The following PPP1R1C variants were observed in gnomAD, a reference collection of about 807,000 sequenced individuals.
The protein encoded by PPP1R1C is protein phosphatase 1 regulatory subunit 1C.
In PPP1R1C, 15 loss-of-function variants were observed where a neutral mutation model predicts 17.4. That is an observed-to-expected ratio of 0.86 (90% CI 0.58 to 1.33). The LOEUF is 1.33. PPP1R1C is among the 40% of genes most tolerant of loss of function. The pLI is 0.00. For missense variants in PPP1R1C, 143 were observed against 130.0 expected (o/e 1.10, Z -0.48); for synonymous variants, 35 against 43.1 (o/e 0.81, Z 0.73).
At chr2:181,970,461 CTCT>C (rs1272637900) in intron 1 of PPP1R1C, among the ~76,000 whole-genome samples, 1 of 152,108 alleles carries the variant, frequency 6.6e-6, no homozygotes, top group East Asian at 1.9e-4. Context: ...CAGGCAGAGA[CTCT>C]TCTTCTCTTC....
At chr2:182,099,452 C>T (rs1049827530) in intron 4 of PPP1R1C, among the ~76,000 whole-genome samples, 6 of 152,158 alleles carry the variant, frequency 3.9e-5, no homozygotes, top group African/African-American at 9.7e-5. Context: ...CTCATGGGAA[C>T]GCTGAGGTAA....
chr2:182,115,548 G>A (rs1298902234), intron 4 of PPP1R1C, among the ~76,000 whole-genome samples: 1 of 152,188 alleles, frequency 6.6e-6, no homozygotes, highest in East Asian at 1.9e-4. Context: ...CAGAGTGACT[G>A]GTTGGACACT....
intron 4 of PPP1R1C, among the ~76,000 whole-genome samples, chr2:182,074,451 A>G (rs144412958): frequency 0.011 from 1,663 of 152,150 alleles, 13 homozygotes; most frequent in South Asian, 0.037. Flanking sequence ...TTTTTCTTTC[A>G]TGCATTTAGA....
At chr2:182,015,069 C>T (rs1371411293) in intron 2 of PPP1R1C, among the ~76,000 whole-genome samples, 3 of 152,166 alleles carry the variant, frequency 2.0e-5, no homozygotes, top group Admixed American at 2.0e-4. Context: ...ACCCAAGCTG[C>T]AAGACAAAGT....
chr2:182,100,272 G>A (rs373852132), intron 4 of PPP1R1C, among the ~76,000 whole-genome samples: 2 of 152,078 alleles, frequency 1.3e-5, no homozygotes, highest in African/African-American at 4.8e-5. Context: ...GGCACTTTGG[G>A]AGGCTGAGGC....
At chr2:182,011,100 G>T (rs1239241780) in intron 2 of PPP1R1C, among the ~76,000 whole-genome samples, 1 of 151,996 alleles carries the variant, frequency 6.6e-6, no homozygotes, top group African/African-American at 2.4e-5. Flanking sequence ...ATGTGTCTTT[G>T]TCTGGTTTTG....
chr2:182,062,540 C>T (rs1687880792), intron 3 of PPP1R1C, among the ~76,000 whole-genome samples: 2 of 152,206 alleles, frequency 1.3e-5, no homozygotes, highest in East Asian at 3.9e-4. Context: ...CTGTCTACAC[C>T]TGTGCATAGT....
chr2:181,969,473 A>G (rs1174577944), intron 1 of PPP1R1C, among the ~76,000 whole-genome samples: 1 of 152,090 alleles, frequency 6.6e-6, no homozygotes. Context: ...CTACTGCCAG[A>G]TATATTGGAA....
chr2:182,047,012 A>T (rs1687367592), intron 2 of PPP1R1C, among the ~76,000 whole-genome samples: 1 of 152,218 alleles, frequency 6.6e-6, no homozygotes, highest in Admixed American at 6.5e-5. Context: ...AATATTTCAA[A>T]TAGTGGTAAG....
Position 181,961,288 on chromosome 2 carries a change from C to T in PPP1R1C, n.111+6654C>T. The T allele has an allele frequency of 2.7e-6, 2 of 743,822 alleles. No homozygotes were observed. The highest frequency in any genetic ancestry group is 1.4e-5 in the South Asian group (1 of 70,762). The allele number at this position is 743,822 out of a possible 1,614,324, so 46.1% of individuals were successfully genotyped here. On this transcript the variant is annotated intron_variant and non_coding_transcript_variant, in intron 1 of 5. Transcript: ENST00000464264. The surrounding 1 kb of genome is among the most constrained non-coding windows in gnomAD (Gnocchi z 5.8). ...TCTTTGGATGGTTTGCATGGAGTTG[C>T]TGTTGTCCAGGGCATCACCAAGATT...
chr2:182,021,618 C>G (rs1255889590), intron 2 of PPP1R1C, among the ~76,000 whole-genome samples: 1 of 151,718 alleles, frequency 6.6e-6, no homozygotes. Flanking sequence ...GAGCCTCACG[C>G]CCAGCCAAAA....
At chr2:182,003,285 A>G (rs1265507547) in intron 2 of PPP1R1C, among the ~76,000 whole-genome samples, 1 of 152,114 alleles carries the variant, frequency 6.6e-6, no homozygotes, top group African/African-American at 2.4e-5. Context: ...TAGATTTCTT[A>G]GTCTGAAGAA....
At chr2:182,119,367 C>T (rs1484912425), downstream of PPP1R1C, among the ~76,000 whole-genome samples, 4 of 152,038 alleles carry the variant, frequency 2.6e-5, no homozygotes, top group Non-Finnish European at 5.9e-5. Flanking sequence ...AATAAACATA[C>T]GTGTGCGTGT....
Position 182,051,185 on chromosome 2 carries a change from T to C in PPP1R1C, c.143-10257T>C, listed in dbSNP as rs543832876. Among the ~76,000 whole-genome samples, 159 of 152,356 alleles carry C rather than the reference T, an allele frequency of 1.0e-3. 1 individual carries two copies. Among genetic ancestry groups the C allele is most frequent in the African/African-American group, 3.7e-3 (154 of 41,588 alleles). On this transcript the variant is annotated intron_variant, in intron 2 of 4. Transcript: ENST00000682840. ...AGAATATATGCATGATTGAGACTTT[T>C]ATTCTGCAATCTTATTAGTGTTTTT...
chr2:181,986,788 A>C (rs919434827), intron 1 of PPP1R1C, among the ~76,000 whole-genome samples: 1 of 152,198 alleles, frequency 6.6e-6, no homozygotes, highest in African/African-American at 2.4e-5. Context: ...GTCCATGTCT[A>C]ATATTGGTTT....
At chr2:182,093,369 G>T (rs1688843459) in intron 4 of PPP1R1C, among the ~76,000 whole-genome samples, 1 of 152,138 alleles carries the variant, frequency 6.6e-6, no homozygotes, top group African/African-American at 2.4e-5. Context: ...CAGGAAAAAG[G>T]CTCCAGGCCT....
intron 4 of PPP1R1C, among the ~76,000 whole-genome samples, chr2:182,114,160 A>G (rs1015979111): frequency 2.0e-5 from 3 of 152,014 alleles, no homozygotes; most frequent in Admixed American, 2.0e-4. Context: ...AAGAACCTTC[A>G]ATGTGTTTTT....
Position 181,967,509 on chromosome 2 carries a change from AT to A in PPP1R1C, n.112-7707del, listed in dbSNP as rs1240674482. On this transcript the variant is annotated intron_variant and non_coding_transcript_variant, in intron 1 of 5. Transcript: ENST00000464264. This position sits in a 1 kb window ranked among gnomAD's most constrained non-coding sequence, Gnocchi z 5.5. ...GTACAATGTGTTTCCATTTTCATTT[AT>A]TTCAAGAAATTCTTCAACTTCCTTC... 1.3e-5 allele frequency among the ~76,000 whole-genome samples: 2 copies of A among 151,958 alleles called. No individual in the cohort carries two copies. The highest frequency in any genetic ancestry group is 4.8e-5 in the African/African-American group (2 of 41,380).
intron 2 of PPP1R1C, among the ~76,000 whole-genome samples, chr2:182,044,313 C>G (rs1460293966): frequency 6.6e-6 from 1 of 152,168 alleles, no homozygotes; most frequent in African/African-American, 2.4e-5. Flanking sequence ...AGTTTCAAAT[C>G]CCTGAATCAT....
Sources: allele counts gnomAD v4.1 joint callset (sites outside exome capture counted in the v4.1 genomes callset), GRCh38; gene constraint gnomAD v4.1.1; non-coding constraint Gnocchi (gnomAD v3.1); transcripts MANE v1.5; gene names NCBI Gene and HGNC (gene_info 2026-07-23, HGNC 2026-07-21).